ABCC4: variants seen among roughly 807,000 people sequenced by gnomAD.
ABCC4 encodes ATP-binding cassette sub-family C member 4.
In ABCC4, 102 loss-of-function variants were observed where a neutral mutation model predicts 168.5. The observed-to-expected ratio is 0.61, with a 90% CI of 0.52 to 0.71. The LOEUF (loss-of-function observed/expected upper bound fraction) is 0.71. ABCC4 is among the 30% of genes least tolerant of loss of function. The pLI, the probability that ABCC4 is intolerant of heterozygous loss-of-function variation, is 0.00. For missense variants in ABCC4, 1,402 were observed against 1,605.8 expected, an observed-to-expected ratio of 0.87 and a Z score of 2.17; for synonymous variants, 617 against 590.7, an observed-to-expected ratio of 1.04 and a Z score of -0.65.
chr13:95,268,168 G>A (rs1166706780), intron 1 of ABCC4, among the ~76,000 whole-genome samples: 2 of 152,176 alleles, frequency 1.3e-5, no homozygotes, highest in Non-Finnish European at 2.9e-5. Context: ...CCCTGTGCTC[G>A]CAGAGACATG....
chr13:95,117,006 C>CG (rs1179038350), intron 19 of ABCC4, among the ~76,000 whole-genome samples: 3 of 152,152 alleles, frequency 2.0e-5, no homozygotes, highest in African/African-American at 7.2e-5. Flanking sequence ...AGGCTGTAGA[C>CG]GGAGCTGCCT....
At chr13:95,152,888 T>C (rs1644702348) in intron 19 of ABCC4, among the ~76,000 whole-genome samples, 1 of 152,126 alleles carries the variant, frequency 6.6e-6, no homozygotes, top group South Asian at 2.1e-4. Flanking sequence ...TATGAGAACT[T>C]CAAAGTCAAA....
At chr13:95,159,091 TTTTATA>T (rs1315611826) in intron 19 of ABCC4, among the ~76,000 whole-genome samples, 15 of 27,476 alleles carry the variant, frequency 5.5e-4, no homozygotes, top group African/African-American at 1.2e-3. Flanking sequence ...TCTAAATAAA[TTTTATA>T]TATATATATA....
chr13:95,104,623 C>T (rs2034934569), intron 20 of ABCC4, among the ~76,000 whole-genome samples: 2 of 152,202 alleles, frequency 1.3e-5, no homozygotes, highest in Admixed American at 1.3e-4. Context: ...ACTTGTCAAA[C>T]AAATCTTTCT....
rs191468796 is a variant in ABCC4 at position 95,067,021 on chromosome 13, A to G, written c.3211-4162T>C. ...TGACAGGAAGAACTGGCACCCACAGAAGAGGCTGGGAGAGAAGCCTGCAGC... is the reference window on the plus strand; with the variant it reads ...TGACAGGAAGAACTGGCACCCACAGGAGAGGCTGGGAGAGAAGCCTGCAGC... On this transcript the variant is annotated intron_variant, in intron 25 of 30. Coordinates refer to ENST00000645237, the MANE Select transcript of ABCC4 (RefSeq NM_005845.5). 6.8e-4 allele frequency among the ~76,000 whole-genome samples: 104 copies of G among 152,342 alleles called. No homozygotes were observed. The East Asian group carries it at 0.019, about 28-fold the overall frequency.
chr13:95,193,336 T>C (rs2139640134), intron 9 of ABCC4, among the ~76,000 whole-genome samples: 1 of 152,322 alleles, frequency 6.6e-6, no homozygotes, highest in East Asian at 1.9e-4. Flanking sequence ...CCCACCTGTT[T>C]TAAGCAGCCT....
At chr13:95,253,661 C>T (rs938773943) in intron 1 of ABCC4, among the ~76,000 whole-genome samples, 13 of 151,914 alleles carry the variant, frequency 8.6e-5, no homozygotes, top group Non-Finnish European at 2.9e-5. Flanking sequence ...AGGAGAATCG[C>T]TTAAACCCAG....
intron 19 of ABCC4, among the ~76,000 whole-genome samples, chr13:95,120,934 G>A (rs1362980669): frequency 2.0e-5 from 3 of 152,222 alleles, no homozygotes; most frequent in African/African-American, 7.2e-5. Context: ...TGTGATCTGG[G>A]AGGGGAGGAA....
intron 29 of ABCC4, 53 bp downstream of exon 29, chr13:95,043,629 G>A: frequency 6.9e-7 from 1 of 1,454,174 alleles, no homozygotes; most frequent in Non-Finnish European, 9.6e-7. Flanking sequence ...GGAATAAACT[G>A]AAAAAGTGAA....
At chr13:95,053,015 T>A in intron 27 of ABCC4, 80 bp downstream of exon 27, 1 of 1,281,294 alleles carries the variant, frequency 7.8e-7, no homozygotes, top group Non-Finnish European at 1.1e-6. Context: ...AAGCTCCTCT[T>A]AATTTCCTGC....
chr13:95,269,167 T>C (rs1339200070), intron 1 of ABCC4: 1 of 408,058 alleles, frequency 2.5e-6, no homozygotes, highest in African/African-American at 2.1e-5. Context: ...TCTAGCAGAT[T>C]ATTGAACCCA....
intron 27 of ABCC4, among the ~76,000 whole-genome samples, chr13:95,046,512 C>T (rs757922694): frequency 3.3e-5 from 5 of 152,124 alleles, no homozygotes; most frequent in Admixed American, 6.5e-5. Context: ...TGCCTGTAAT[C>T]CCAGCACTTT....
chr13:95,089,815 T>G (rs1306432861), intron 20 of ABCC4, among the ~76,000 whole-genome samples: 4 of 151,244 alleles, frequency 2.6e-5, no homozygotes, highest in Non-Finnish European at 5.9e-5. Context: ...GAGATGAAAG[T>G]TGCAGTGAGC....
chr13:95,148,788 T>C (rs1007064883), intron 19 of ABCC4: 1 of 152,090 alleles, frequency 6.6e-6, no homozygotes. Flanking sequence ...CCCATGTTTA[T>C]CCAAAAATGA....
chr13:95,277,246 A>G (rs974503428), intron 1 of ABCC4, among the ~76,000 whole-genome samples: 2 of 151,994 alleles, frequency 1.3e-5, no homozygotes, highest in Non-Finnish European at 2.9e-5. Flanking sequence ...GGAGAGGGAA[A>G]GGCAATCACA....
At chr13:95,241,242 G>A (rs1241969396) in intron 3 of ABCC4, among the ~76,000 whole-genome samples, 1 of 151,562 alleles carries the variant, frequency 6.6e-6, no homozygotes, top group South Asian at 2.1e-4. Flanking sequence ...GCGCACACCT[G>A]TAGTCCCAGC....
intron 3 of ABCC4, among the ~76,000 whole-genome samples, chr13:95,236,190 C>T (rs536014428): frequency 6.6e-6 from 1 of 152,262 alleles, no homozygotes; most frequent in Admixed American, 6.5e-5. Flanking sequence ...GTAAGGGACC[C>T]TTTTCCCCCA....
chr13:95,233,813 C>A (rs1361221095), intron 4 of ABCC4, among the ~76,000 whole-genome samples: 2 of 152,056 alleles, frequency 1.3e-5, no homozygotes, highest in African/African-American at 4.8e-5. Flanking sequence ...CCCACGAATA[C>A]CAAGGGACAA....
chr13:95,072,074 T>C (rs570004309), intron 24 of ABCC4, among the ~76,000 whole-genome samples: 2 of 152,312 alleles, frequency 1.3e-5, no homozygotes, highest in African/African-American at 2.4e-5. Flanking sequence ...ATGAGAGAAA[T>C]GAATGCTTAG....
Sources: gnomAD v4.1 joint callset for allele counts (sites outside exome capture counted in the v4.1 genomes callset) on GRCh38, gnomAD v4.1.1 for gene constraint, MANE v1.5 for transcripts, NCBI Gene and HGNC (gene_info 2026-07-23, HGNC 2026-07-21) for gene names.